MPZ: variants seen among roughly 807,000 people sequenced by gnomAD.
MPZ encodes myelin protein zero, also known as myelin protein P0.
A neutral mutation model predicts 27.9 loss-of-function variants in MPZ; 13 were observed. The ratio of observed to expected loss-of-function variants is 0.47; its 90% CI spans 0.30 to 0.74. The LOEUF is 0.74. MPZ is among the 30% of genes least tolerant of loss of function. MPZ has a pLI of 0.06. For missense variants in MPZ, 256 were observed against 317.5 expected (o/e 0.81, Z 1.47); for synonymous variants, 118 against 128.9 (o/e 0.92, Z 0.57).
chr1:161,305,080 C>T lies in MPZ; in HGVS notation c.*796G>A. On this transcript the variant is annotated 3_prime_UTR_variant, in exon 6 of 6. Coordinates refer to ENST00000533357, the MANE Select transcript of MPZ (RefSeq NM_000530.8). ...AGGATCAGGGGCCCCTCTACTTGGGCTGGCTCTTCATTAAGGACTTAAGGG... is the reference window on the plus strand; with the variant it reads ...AGGATCAGGGGCCCCTCTACTTGGGTTGGCTCTTCATTAAGGACTTAAGGG... The T allele has an allele frequency of 6.5e-6, 1 of 152,818 alleles. No individual in the cohort carries two copies. 9.5% of individuals were successfully genotyped at this position (152,818 alleles called of 1,614,324 possible).
At position 161,306,474 on chromosome 1, in the gene MPZ, G is replaced by A. The variant is rs200559887; in HGVS notation, c.449-10C>T. On this transcript the variant is annotated splice_polypyrimidine_tract_variant and intron_variant, in intron 3 of 5. Coordinates refer to ENST00000533357, the MANE Select transcript of MPZ (RefSeq NM_000530.8). ...CCGTACCTAGTTGGCACTAGGAGGG[G>A]TGGGAAAAGAAGTGGGAGAATGAGC... The A allele has an allele frequency of 8.1e-6, 13 of 1,614,100 alleles. No individual in the cohort carries two copies. The highest frequency in any genetic ancestry group is 5.9e-6 in the Non-Finnish European group (7 of 1,180,036).
At position 161,307,359 on chromosome 1, in the gene MPZ, G is replaced by A. The variant is rs200151353; in HGVS notation, c.133C>T (p.Arg45Trp). ...DREVHGAVGS[R>W]VTLHCSFWSS... ...CAGAAGGAGCAGTGCAGGGTCACCC[G>A]GGAGCCCACAGCACCATGGACCTCC... Residue 45 changes from arginine (R) to tryptophan (W), a missense_variant, in exon 2 of 6, where the codon CGG (arginine) becomes TGG (tryptophan). Around this residue, in one of 2 missense-constraint regions of MPZ, gnomAD observed 155 missense variants for 223.9 expected, o/e 0.69. Coordinates refer to ENST00000533357, the MANE Select transcript of MPZ (RefSeq NM_000530.8). The A allele has an allele frequency of 1.0e-4, 164 of 1,614,236 alleles. 1 individual carries two copies. The African/African-American group carries it at 1.5e-3, about 15-fold the overall frequency.
chr1:161,305,843 T>G lies in MPZ; in HGVS notation c.*33A>C. On this transcript the variant is annotated 3_prime_UTR_variant, in exon 6 of 6. Coordinates refer to ENST00000533357, the MANE Select transcript of MPZ (RefSeq NM_000530.8). ...TTGGGCCTTTGGCGGACTCCACCCCTAACCCCCGATCCCCCGCCCGGCCCG... is the reference window on the plus strand; with the variant it reads ...TTGGGCCTTTGGCGGACTCCACCCCGAACCCCCGATCCCCCGCCCGGCCCG... The G allele has an allele frequency of 9.9e-6, 10 of 1,006,322 alleles. No homozygotes were observed. Among genetic ancestry groups the G allele is most frequent in the Non-Finnish European group, 1.5e-5 (10 of 673,778 alleles). 62.3% of individuals were successfully genotyped at this position (1,006,322 alleles called of 1,614,324 possible).
At chr1:161,308,505 CCAAA>C (rs1338265432) in intron 1 of MPZ, among the ~76,000 whole-genome samples, 4 of 152,122 alleles carry the variant, frequency 2.6e-5, no homozygotes, top group Non-Finnish European at 4.4e-5. Context: ...GAGGTGGCAA[CCAAA>C]CAAAGTTCCA....
Position 161,307,741 on chromosome 1 carries a change from C to A in MPZ, c.68-317G>T, listed in dbSNP as rs142995464. 2.6e-5 allele frequency among the ~76,000 whole-genome samples: 4 copies of A among 152,250 alleles called. No individual in the cohort carries two copies. The East Asian group carries it at 7.7e-4, about 29-fold the overall frequency. On this transcript the variant is annotated intron_variant, in intron 1 of 5. Coordinates refer to ENST00000533357, the MANE Select transcript of MPZ (RefSeq NM_000530.8). ...GGTCAGTATCTAACTTTTAAGCTAT[C>A]CTTTAGATGCAGTGTTCTAAATTTT...
At chr1:161,307,017 A>AAAAAAAAAAAAAAAC in intron 2 of MPZ, 96 bp from the exon 3 acceptor site, 1 of 521,494 alleles carries the variant, frequency 1.9e-6, no homozygotes, top group Non-Finnish European at 3.0e-6. Context: ...AAAAAAGCAA[A>AAAAAAAAAAAAAAAC]AAAAAAAAAA....
intron 1 of MPZ, 91 bp from the exon 2 acceptor site, chr1:161,307,515 C>A: frequency 1.3e-6 from 2 of 1,508,426 alleles, no homozygotes; most frequent in South Asian, 2.3e-5. Context: ...AGTGCTGAGT[C>A]ACAGGTCAGA....
rs1402178240 is a variant in MPZ, at chr1:161,305,501, G to T, written c.*375C>A. 8.3e-6 allele frequency: 2 copies of T among 241,982 alleles called. No individual in the cohort carries two copies. Among genetic ancestry groups the T allele is most frequent in the Non-Finnish European group, 1.6e-5 (2 of 122,238 alleles). The allele number at this position is 241,982 out of a possible 1,614,324, so 15.0% of individuals were successfully genotyped here. Reference sequence around the variant, plus strand: ...GGATTAGCTCCTGGGCTCCCAGAAAGCCAGGGGTGAAGGTGGGGGAGAATA... The same window carrying T: ...GGATTAGCTCCTGGGCTCCCAGAAATCCAGGGGTGAAGGTGGGGGAGAATA... On this transcript the variant is annotated 3_prime_UTR_variant, in exon 6 of 6. Transcript: ENST00000533357.
Position 161,306,712 on chromosome 1 carries a change from T to A in MPZ, c.444A>T (p.Glu148Asp), listed in dbSNP as rs1670257548. The A allele has an allele frequency of 6.2e-7, 1 of 1,614,026 alleles. No homozygotes were observed. Among genetic ancestry groups the A allele is most frequent in the Non-Finnish European group, 8.5e-7 (1 of 1,179,954 alleles). ...TGTCCCCATCCCTTCTCACACCTTT[T>A]TCAAAGACATACAGCGTGACCTGAG... The part of the protein sequence containing the change: ...KTSQVTLYVF[E>D]KVPTRYGVVL... Residue 148 changes from glutamate (E) to aspartate (D), a missense_variant, in exon 3 of 6, where the codon GAA becomes GAT. Physicochemically the swap from Glu to Asp is conservative, Grantham distance 45 (BLOSUM62 2). This residue lies in a region of MPZ where 155 missense variants were observed against 223.9 expected (regional missense o/e 0.69). Transcript: ENST00000533357.
chr1:161,309,309 G>A (rs936502988), intron 1 of MPZ, among the ~76,000 whole-genome samples: 1 of 151,986 alleles, frequency 6.6e-6, no homozygotes, highest in African/African-American at 2.4e-5. Flanking sequence ...CTCCTGCACT[G>A]CTAGGGGACG....
At chr1:161,309,333 C>A (rs1321783980) in intron 1 of MPZ, among the ~76,000 whole-genome samples, 1 of 151,988 alleles carries the variant, frequency 6.6e-6, no homozygotes, top group Non-Finnish European at 1.5e-5. Context: ...GGGAACCAAA[C>A]CCAGGTGTTT....
Position 161,306,644 on chromosome 1 carries a change from A to G in MPZ, c.448+64T>C, listed in dbSNP as rs6674383. The G allele has an allele frequency of 1, 1,577,634 of 1,577,648 alleles. 788,810 individuals are homozygous for G. The highest frequency in any genetic ancestry group is 1 in the Middle Eastern group (5,734 of 5,734). The stretch of plus-strand genomic sequence containing the variant: ...GGCTTTTTGCCTCTTCCCCCAACCT[A>G]TCAGTCCTCCCTGATCCCCTCCCAA... On this transcript the variant is annotated intron_variant, in intron 3 of 5. Coordinates refer to ENST00000533357, the MANE Select transcript of MPZ (RefSeq NM_000530.8).
chr1:161,309,289 G>T (rs1290057118), intron 1 of MPZ, among the ~76,000 whole-genome samples: 1 of 152,030 alleles, frequency 6.6e-6, no homozygotes, highest in Non-Finnish European at 1.5e-5. Context: ...GGAAACTAAG[G>T]TTAAGGCACC....
intron 2 of MPZ, 39 bp downstream of exon 2, chr1:161,307,219 T>G (rs542400076): frequency 6.2e-7 from 1 of 1,613,740 alleles, no homozygotes; most frequent in East Asian, 2.2e-5. Context: ...TTTGAAGCAC[T>G]TTCTGTTATC....
chr1:161,304,092 A>G (rs1218166743), downstream of MPZ, among the ~76,000 whole-genome samples: 1 of 152,176 alleles, frequency 6.6e-6, no homozygotes, highest in East Asian at 1.9e-4. Context: ...AAATCAACAT[A>G]CCAACAAACT....
At position 161,306,877 on chromosome 1, in the gene MPZ, C is replaced by T. The variant is rs778303597; in HGVS notation, c.279G>A (p.Gly93=). Residue 93 remains glycine (G), a synonymous_variant, in exon 3 of 6, where the codon GGG becomes GGA. Transcript: ENST00000533357. ...CCCACTGGATGCGCTCTTTGAAGGT[C>T]CCCACCTCGTCAATGTAGGGTTGTC... ...AKGQPYIDEV[G]TFKERIQWVG... is the part of the protein sequence containing the mutation. 8.1e-6 allele frequency: 13 copies of T among 1,613,834 alleles called. No individual in the cohort carries two copies. The East Asian group carries it at 2.5e-4, about 30-fold the overall frequency.
Position 161,307,517 on chromosome 1 carries a change from C to T in MPZ, c.68-93G>A, listed in dbSNP as rs566917622. On this transcript the variant is annotated intron_variant, in intron 1 of 5. Transcript: ENST00000533357. ...CAGTAGGAAATCAAGTGCTGAGTCA[C>T]AGGTCAGAGGCCAATTTGGAAAAGA... The T allele has an allele frequency of 4.1e-6, 6 of 1,472,270 alleles. No homozygotes were observed. In the African/African-American group the frequency reaches 4.2e-5, roughly 10 times the overall value. The allele number at this position is 1,472,270 out of a possible 1,614,324, so 91.2% of individuals were successfully genotyped here. A position where few individuals can be genotyped will look rare whatever the true frequency, so the allele number is the denominator to read the frequency against.
In MPZ at chr1:161,305,831, G is replaced by A. The variant is rs1307273032; in HGVS notation, c.*45C>T. On this transcript the variant is annotated 3_prime_UTR_variant, in exon 6 of 6. Coordinates refer to ENST00000533357, the MANE Select transcript of MPZ (RefSeq NM_000530.8). ...TGACCATCACCTTTGGGCCTTTGGC[G>A]GACTCCACCCCTAACCCCCGATCCC... The A allele has an allele frequency of 3.5e-6, 5 of 1,419,830 alleles. No individual in the cohort carries two copies. Among genetic ancestry groups the A allele is most frequent in the Non-Finnish European group, 4.9e-6 (5 of 1,013,632 alleles). 88.0% of individuals were successfully genotyped at this position (1,419,830 alleles called of 1,614,324 possible). A position where few individuals can be genotyped will look rare whatever the true frequency, so the allele number is the denominator to read the frequency against.
At chr1:161,309,552 A>ATATATATATATATATT in intron 1 of MPZ, among the ~76,000 whole-genome samples, 1 of 80,624 alleles carries the variant, frequency 1.2e-5, no homozygotes, top group African/African-American at 5.8e-5. Context: ...ATATATATAT[A>ATATATATATATATATT]TTTTTTTTTT....
Sources: gnomAD v4.1 joint callset for allele counts (sites outside exome capture counted in the v4.1 genomes callset) on GRCh38, gnomAD v4.1.1 for gene constraint, gnomAD v4.1.1 regional missense constraint, MANE v1.5 for transcripts, NCBI Gene and HGNC (gene_info 2026-07-23, HGNC 2026-07-21) for gene names.